The following HECW1 variants were observed in gnomAD, a reference collection of about 807,000 sequenced individuals.
HECW1 encodes the protein E3 ubiquitin-protein ligase HECW1.
A neutral mutation model predicts 182.3 loss-of-function variants in HECW1; 61 were observed. The observed-to-expected ratio is 0.33, with a 90% CI of 0.27 to 0.41. The LOEUF is 0.41. Among genes scored for constraint, HECW1 ranks in the 10% least tolerant of loss-of-function variants. HECW1 has a pLI of 1.00. For synonymous variants in HECW1, 859 were observed against 832.6 expected, an observed-to-expected ratio of 1.03 and a Z score of -0.55; for missense variants, 1,739 against 2,108.9, an observed-to-expected ratio of 0.82 and a Z score of 3.44.
chr7:43,344,065 G>A (rs868269932), intron 5 of HECW1, among the ~76,000 whole-genome samples: 1 of 151,806 alleles, frequency 6.6e-6, no homozygotes, highest in African/African-American at 2.4e-5. Flanking sequence ...CTTTTGAGAA[G>A]TGTCTGTTCA....
At chr7:43,251,518 G>A (rs1800026235) in intron 3 of HECW1, among the ~76,000 whole-genome samples, 1 of 152,120 alleles carries the variant, frequency 6.6e-6, no homozygotes, top group Non-Finnish European at 1.5e-5. Flanking sequence ...GTTTCACCAT[G>A]TTGGCCAGGC....
chr7:43,503,108 C>G (rs1212939555), intron 21 of HECW1, among the ~76,000 whole-genome samples: 2 of 152,136 alleles, frequency 1.3e-5, no homozygotes, highest in Non-Finnish European at 2.9e-5. Flanking sequence ...ATAGTATCTC[C>G]CTGTTGTCAC....
chr7:43,454,745 T>TA (rs151071778), intron 12 of HECW1, among the ~76,000 whole-genome samples: 2,712 of 152,240 alleles, frequency 0.018, 86 homozygotes, highest in African/African-American at 0.061. Flanking sequence ...TTTTTTCCCT[T>TA]AAAAAAATGA....
intron 3 of HECW1, among the ~76,000 whole-genome samples, chr7:43,256,428 G>A (rs1800577457): frequency 6.6e-6 from 1 of 152,076 alleles, no homozygotes; most frequent in African/African-American, 2.4e-5. Context: ...TGGCCAACAT[G>A]GTGAAACCCT....
chr7:43,243,808 G>A lies in HECW1; in HGVS notation c.-31-67G>A. 1 of 1,185,182 alleles carries A rather than the reference G, an allele frequency of 8.4e-7. No homozygotes were observed. Among genetic ancestry groups the A allele is most frequent in the South Asian group, 1.2e-5 (1 of 82,204 alleles). 73.4% of individuals were successfully genotyped at this position (1,185,182 alleles called of 1,614,324 possible). A position where few individuals can be genotyped will look rare whatever the true frequency, so the allele number is the denominator to read the frequency against. The stretch of plus-strand genomic sequence containing the variant: ...GTGGGGGAAACAATGTTGTTTGTGT[G>A]GGTAATGTTGCTGATTTTGTTTGCT... On this transcript the variant is annotated intron_variant, in intron 2 of 29. Coordinates refer to ENST00000395891, the MANE Select transcript of HECW1 (RefSeq NM_015052.5). This position sits in a 1 kb window ranked among gnomAD's most constrained non-coding sequence, Gnocchi z 4.0.
At chr7:43,479,578 C>A (rs751479824) in intron 16 of HECW1, 32 bp from the exon 17 acceptor site, 4 of 1,613,626 alleles carry the variant, frequency 2.5e-6, no homozygotes, top group Non-Finnish European at 3.4e-6. Context: ...TCTCACACCA[C>A]ACGGTGCTTT....
chr7:43,498,596 A>G (rs2079204378), intron 19 of HECW1, among the ~76,000 whole-genome samples: 2 of 152,126 alleles, frequency 1.3e-5, no homozygotes, highest in Admixed American at 1.3e-4. Context: ...GATGAGAGAG[A>G]TGGGGATGTT....
At chr7:43,206,456 G>C (rs1423594890) in intron 2 of HECW1, among the ~76,000 whole-genome samples, 2 of 152,112 alleles carry the variant, frequency 1.3e-5, no homozygotes, top group Non-Finnish European at 2.9e-5. Flanking sequence ...AACATATTTT[G>C]TTTTATAGCT....
intron 2 of HECW1, among the ~76,000 whole-genome samples, chr7:43,126,315 A>G (rs1480666840): frequency 1.3e-5 from 2 of 152,084 alleles, no homozygotes; most frequent in African/African-American, 4.8e-5. Context: ...CACCTTAGAA[A>G]TGTTATTTTT....
At chr7:43,376,479 G>T (rs2074329582) in intron 6 of HECW1, among the ~76,000 whole-genome samples, 1 of 152,172 alleles carries the variant, frequency 6.6e-6, no homozygotes, top group Admixed American at 6.5e-5. Context: ...CCGTGAGTTG[G>T]CAAAAGTCTA....
intron 2 of HECW1, among the ~76,000 whole-genome samples, chr7:43,226,791 G>A (rs983699054): frequency 6.6e-6 from 1 of 152,196 alleles, no homozygotes; most frequent in African/African-American, 2.4e-5. Context: ...CCTCCGAAGA[G>A]CCTGGCGTCT....
chr7:43,440,959 A>G (rs2076868893), intron 9 of HECW1, among the ~76,000 whole-genome samples: 1 of 152,214 alleles, frequency 6.6e-6, no homozygotes, highest in Non-Finnish European at 1.5e-5. Flanking sequence ...ACTATCAGCC[A>G]GTGATTTATC....
chr7:43,481,163 TG>T (rs2078421058), intron 17 of HECW1, among the ~76,000 whole-genome samples: 1 of 152,230 alleles, frequency 6.6e-6, no homozygotes, highest in African/African-American at 2.4e-5. Flanking sequence ...GATGCAGACG[TG>T]TTCACAGACT....
At chr7:43,270,224 C>T (rs1802243303) in intron 3 of HECW1, among the ~76,000 whole-genome samples, 1 of 152,188 alleles carries the variant, frequency 6.6e-6, no homozygotes, top group South Asian at 2.1e-4. Context: ...AGTCATTCAG[C>T]AGCAGCTTGG....
At chr7:43,475,910 C>T (rs1290523118) in intron 16 of HECW1, among the ~76,000 whole-genome samples, 1 of 152,108 alleles carries the variant, frequency 6.6e-6, no homozygotes, top group Non-Finnish European at 1.5e-5. Context: ...AATATGTTTT[C>T]GTGACCTAAT....
intron 2 of HECW1, among the ~76,000 whole-genome samples, chr7:43,186,750 ATACT>A (rs1291913271): frequency 6.6e-6 from 1 of 152,200 alleles, no homozygotes; most frequent in Non-Finnish European, 1.5e-5. Context: ...AGATGCACAA[ATACT>A]TACCATTGCA....
chr7:43,466,759 G>A (rs1198928277), intron 15 of HECW1, among the ~76,000 whole-genome samples, 191 bp downstream of exon 15: 1 of 152,188 alleles, frequency 6.6e-6, no homozygotes, highest in African/African-American at 2.4e-5. Context: ...ATTTGGAAAT[G>A]CTGTTGCCTC....
chr7:43,173,102 A>G (rs1219393384), intron 2 of HECW1, among the ~76,000 whole-genome samples: 1 of 152,188 alleles, frequency 6.6e-6, no homozygotes, highest in Non-Finnish European at 1.5e-5. Flanking sequence ...TTCTGGTTCT[A>G]TGTAAAATTT....
intron 8 of HECW1, among the ~76,000 whole-genome samples, chr7:43,429,972 C>T (rs538830999): frequency 3.0e-4 from 46 of 152,338 alleles, no homozygotes; most frequent in African/African-American, 8.7e-4. Flanking sequence ...ATCTCCACTT[C>T]TAATTGGTAT....
Sources: gnomAD v4.1 joint callset for allele counts (sites outside exome capture counted in the v4.1 genomes callset) on GRCh38, gnomAD v4.1.1 for gene constraint, Gnocchi (gnomAD v3.1) non-coding constraint, MANE v1.5 for transcripts, NCBI Gene and HGNC (gene_info 2026-07-23, HGNC 2026-07-21) for gene names.